PIWIL2: variants seen among roughly 807,000 people sequenced by gnomAD.
PIWIL2 encodes the protein piwi like RNA-mediated gene silencing 2, also known as piwi-like protein 2.
In PIWIL2, 81 loss-of-function variants were observed where a neutral mutation model predicts 116.5. The observed-to-expected ratio is 0.70, with a 90% confidence interval of 0.58 to 0.84. The LOEUF is 0.84. Among genes scored for constraint, PIWIL2 ranks in the 40% least tolerant of loss-of-function variants. PIWIL2 has a pLI of 0.00. For missense variants in PIWIL2, 1,272 were observed against 1,212.3 expected, an observed-to-expected ratio of 1.05 and a Z score of -0.73; for synonymous variants, 489 against 429.5, an observed-to-expected ratio of 1.14 and a Z score of -1.71.
rs1830548931 is a variant in PIWIL2 at position 22,283,123 on chromosome 8, G to C, written c.515G>C (p.Cys172Ser). The change falls in exon 5 of 23, where the codon TGT becomes TCT. Residue 172 changes from cysteine (C) to serine (S), a missense_variant. Transcript: ENST00000356766. The part of the protein sequence containing the change: ...GISREVDKPP[C>S]TFSTPSRGPP... ...AGCAGAGAAGTGGACAAGCCTCCCT[G>C]TACCTTCAGCACACCGTCCCGGGGT... 6.2e-7 allele frequency: 1 copy of C among 1,614,132 alleles called. No homozygotes were observed.
At chr8:22,355,311 G>A (rs747711368) in intron 22 of PIWIL2, 38 bp from the exon 23 acceptor site, 2 of 1,607,784 alleles carry the variant, frequency 1.2e-6, no homozygotes, top group South Asian at 1.1e-5. Flanking sequence ...ATTGAAGGTG[G>A]GGGATGATGA....
At chr8:22,324,661 A>C (rs535701296) in intron 20 of PIWIL2, among the ~76,000 whole-genome samples, 1 of 152,326 alleles carries the variant, frequency 6.6e-6, no homozygotes, top group South Asian at 2.1e-4. Context: ...TTGTGCTCCC[A>C]AGAAGATGAA....
intron 15 of PIWIL2, among the ~76,000 whole-genome samples, chr8:22,310,626 TTAATTA>T (rs2132042522): frequency 6.7e-6 from 1 of 150,160 alleles, no homozygotes; most frequent in East Asian, 2.0e-4. Context: ...GAGTTTTTTT[TTAATTA>T]AATAGACCTG....
At chr8:22,278,793 C>G (rs1234002350) in intron 1 of PIWIL2, among the ~76,000 whole-genome samples, 1 of 152,126 alleles carries the variant, frequency 6.6e-6, no homozygotes, top group Admixed American at 6.5e-5. Context: ...TGTCGGATCA[C>G]TGGTGGCATT....
intron 10 of PIWIL2, among the ~76,000 whole-genome samples, chr8:22,294,125 G>A (rs1005850141): frequency 1.3e-5 from 2 of 150,264 alleles, no homozygotes; most frequent in African/African-American, 4.9e-5. Context: ...ATCAGTTGAG[G>A]TCAGCAGTTC....
intron 2 of PIWIL2, 27 bp downstream of exon 2, chr8:22,279,611 G>A (rs1830455700): frequency 6.3e-7 from 1 of 1,592,814 alleles, no homozygotes; most frequent in South Asian, 1.1e-5. Flanking sequence ...ATGCATAGGA[G>A]TGGCATACAG....
intron 7 of PIWIL2, among the ~76,000 whole-genome samples, chr8:22,288,254 C>T (rs1332598974): frequency 4.0e-5 from 6 of 150,200 alleles, no homozygotes; most frequent in African/African-American, 1.2e-4. Flanking sequence ...GCCGAGATCA[C>T]GCCACTGCAC....
chr8:22,313,863 T>G (rs1203520573), intron 16 of PIWIL2, among the ~76,000 whole-genome samples: 1 of 152,230 alleles, frequency 6.6e-6, no homozygotes, highest in Admixed American at 6.5e-5. Flanking sequence ...TCATTCCAGT[T>G]TGCATTTAGT....
chr8:22,310,162 T>C, intron 15 of PIWIL2, 88 bp downstream of exon 15: 1 of 710,254 alleles, frequency 1.4e-6, no homozygotes, highest in Non-Finnish European at 2.4e-6. Flanking sequence ...AGTCTTCTTT[T>C]TTGAGGGAAA....
At chr8:22,313,545 GC>G (rs1221072785) in intron 16 of PIWIL2, among the ~76,000 whole-genome samples, 1 of 152,212 alleles carries the variant, frequency 6.6e-6, no homozygotes, top group Non-Finnish European at 1.5e-5. Flanking sequence ...CTGTTCTCAT[GC>G]CTTTGGAAAT....
chr8:22,347,201 C>T (rs1196314396), intron 20 of PIWIL2, among the ~76,000 whole-genome samples: 6 of 149,060 alleles, frequency 4.0e-5, no homozygotes, highest in Non-Finnish European at 8.9e-5. Flanking sequence ...GCAAATTCAG[C>T]ACATTAACAT....
chr8:22,330,186 T>C (rs1323686298), intron 20 of PIWIL2, among the ~76,000 whole-genome samples: 1 of 152,112 alleles, frequency 6.6e-6, no homozygotes, highest in Non-Finnish European at 1.5e-5. Flanking sequence ...TCGTTTCTGG[T>C]TTCCTAATTA....
rs1830332834 is a variant in PIWIL2 at position 22,275,329 on chromosome 8, C to G, written c.-116C>G. The G allele has an allele frequency of 6.7e-6, 1 of 149,034 alleles. No homozygotes were observed. Among genetic ancestry groups the G allele is most frequent in the African/African-American group, 2.4e-5 (1 of 41,404 alleles). 9.2% of individuals were successfully genotyped at this position (149,034 alleles called of 1,614,324 possible). On this transcript the variant is annotated 5_prime_UTR_variant, in exon 1 of 23. Coordinates refer to ENST00000356766, the MANE Select transcript of PIWIL2 (RefSeq NM_018068.5). ...GCCCTGGAGCATGTGGGCCCCGGGG[C>G]GTGGGTTGAGCTCGGTCTTCCCCTG... is the stretch of plus-strand genomic sequence containing the variant.
Position 22,283,186 on chromosome 8 carries a change from C to G in PIWIL2, c.578C>G (p.Ser193Cys). The G allele has an allele frequency of 1.2e-6, 2 of 1,614,134 alleles. No homozygotes were observed. The highest frequency in any genetic ancestry group is 8.5e-7 in the Non-Finnish European group (1 of 1,180,004). Residue 193 changes from serine to cysteine, a missense_variant, in exon 5 of 23, where the codon TCT becomes TGT. Physicochemically the swap from Ser to Cys is moderately radical, Grantham distance 112. Transcript: ENST00000356766. ...TCATCACCACCAGCTCTGCCCCAGT[C>G]TCCCCTGCACTCTCCAGATCGCCCT... Reference protein sequence around the residue: ...QLSSPPALPQSPLHSPDRPLV... With the variant: ...QLSSPPALPQCPLHSPDRPLV...
At chr8:22,304,264 G>A (rs912387129) in intron 11 of PIWIL2, 55 bp downstream of exon 11, 19 of 1,148,460 alleles carry the variant, frequency 1.7e-5, no homozygotes, top group African/African-American at 3.1e-5. Context: ...TGTAGTCCAC[G>A]TTCTCCAGCA....
intron 20 of PIWIL2, among the ~76,000 whole-genome samples, chr8:22,338,608 C>T (rs955277893): frequency 5.9e-5 from 9 of 152,088 alleles, no homozygotes; most frequent in African/African-American, 2.2e-4. Context: ...AGGAGAATCA[C>T]TTGAACCCAG....
At chr8:22,321,756 C>T in intron 20 of PIWIL2, 1 of 363,612 alleles carries the variant, frequency 2.8e-6, no homozygotes, top group Non-Finnish European at 3.8e-6. Flanking sequence ...CAGAGCTTAT[C>T]CTGACTCAGC....
chr8:22,299,428 G>C (rs1160592768), intron 10 of PIWIL2, among the ~76,000 whole-genome samples: 1 of 151,986 alleles, frequency 6.6e-6, no homozygotes, highest in Non-Finnish European at 1.5e-5. Flanking sequence ...GACTGGTCTT[G>C]AACTCCTGAC....
At chr8:22,336,037 A>G (rs1018634593) in intron 20 of PIWIL2, among the ~76,000 whole-genome samples, 4 of 152,194 alleles carry the variant, frequency 2.6e-5, no homozygotes, top group African/African-American at 9.6e-5. Flanking sequence ...GAAATAGGCA[A>G]TTCAGCAATA....
Sources: allele counts gnomAD v4.1 joint callset (sites outside exome capture counted in the v4.1 genomes callset), GRCh38; gene constraint gnomAD v4.1.1; transcripts MANE v1.5; gene names NCBI Gene and HGNC (gene_info 2026-07-23, HGNC 2026-07-21).